Variants in SYT16 observed in about 807,000 individuals in gnomAD.
SYT16 encodes synaptotagmin 16.
Under a neutral mutation model 61.4 loss-of-function variants are expected in SYT16, and 42 were observed. The observed-to-expected ratio is 0.68, with a 90% CI of 0.53 to 0.89. The LOEUF is 0.89. SYT16 is among the 40% of genes least tolerant of loss of function. The pLI is 0.00. For missense variants in SYT16, 804 were observed against 807.3 expected (o/e 1.00, Z 0.05); for synonymous variants, 314 against 302.3 (o/e 1.04, Z -0.40).
intron 1 of SYT16, among the ~76,000 whole-genome samples, chr14:61,861,508 C>T (rs2046963027): frequency 6.6e-6 from 1 of 152,100 alleles, no homozygotes; most frequent in African/African-American, 2.4e-5. Flanking sequence ...CTCTTGGGCT[C>T]AGGCTCTTGC....
intron 1 of SYT16, among the ~76,000 whole-genome samples, chr14:61,960,077 C>T (rs764666183): frequency 2.1e-4 from 32 of 152,110 alleles, no homozygotes; most frequent in Non-Finnish European, 4.0e-4. Flanking sequence ...AGTGATCTGC[C>T]CACTTCAGCT....
chr14:61,941,740 C>A (rs542462847), intron 1 of SYT16, among the ~76,000 whole-genome samples: 2 of 152,324 alleles, frequency 1.3e-5, no homozygotes, highest in African/African-American at 2.4e-5. Flanking sequence ...AATGGACAAA[C>A]CCCATCGCTA....
chr14:61,866,899 T>G (rs2047173126), intron 1 of SYT16, among the ~76,000 whole-genome samples: 1 of 152,072 alleles, frequency 6.6e-6, no homozygotes, highest in Non-Finnish European at 1.5e-5. Flanking sequence ...GATGTTACAT[T>G]TAGATCTGTG....
intron 1 of SYT16, among the ~76,000 whole-genome samples, chr14:61,945,087 C>G (rs1029816309): frequency 6.6e-6 from 1 of 152,192 alleles, no homozygotes; most frequent in Non-Finnish European, 1.5e-5. Flanking sequence ...TATGAACAGA[C>G]ACTTCTTAAA....
At chr14:62,092,173 AACACAC>A (rs56324432) in intron 7 of SYT16, among the ~76,000 whole-genome samples, 16,429 of 131,024 alleles carry the variant, frequency 0.13, 984 homozygotes, top group Non-Finnish European at 0.15. Flanking sequence ...TGGCTACTAT[AACACAC>A]ACACACACAC....
intron 3 of SYT16, among the ~76,000 whole-genome samples, chr14:62,024,576 AT>A (rs2054031074): frequency 6.6e-6 from 1 of 152,030 alleles, no homozygotes; most frequent in Admixed American, 6.6e-5. Context: ...CCCCACTATC[AT>A]TCTTCTCCAC....
At chr14:61,974,661 A>C (rs1444084358) in intron 2 of SYT16, among the ~76,000 whole-genome samples, 1 of 152,156 alleles carries the variant, frequency 6.6e-6, no homozygotes, top group African/African-American at 2.4e-5. Flanking sequence ...GGAAATCCCA[A>C]AGACTGATAC....
At chr14:61,992,378 C>T (rs1258495977) in intron 2 of SYT16, among the ~76,000 whole-genome samples, 1 of 152,006 alleles carries the variant, frequency 6.6e-6, no homozygotes, top group Admixed American at 6.6e-5. Flanking sequence ...TCTCATGGCG[C>T]GGCAGCATTA....
At chr14:61,912,269 G>A (rs1270175555) in intron 1 of SYT16, among the ~76,000 whole-genome samples, 4 of 152,186 alleles carry the variant, frequency 2.6e-5, no homozygotes, top group East Asian at 1.9e-4. Flanking sequence ...GGGGGAACAC[G>A]TGGGCTTCTT....
rs868443295 is a variant in SYT16, at chr14:62,099,178, T to C, written c.1625-1216T>C. ...TGAAGACTTTGTTTGTGTTTATTAG[T>C]GAGAGTGACATGGCCAGATTTGTAT... On this transcript the variant is annotated intron_variant, in intron 7 of 7. Transcript: ENST00000683842. Among the ~76,000 whole-genome samples, 6 of 152,266 alleles carry C rather than the reference T, an allele frequency of 3.9e-5. No individual in the cohort carries two copies. In the Middle Eastern group the frequency reaches 0.017, roughly 432 times the overall value.
chr14:62,011,357 TC>T (rs1274468190), intron 3 of SYT16, among the ~76,000 whole-genome samples: 5 of 152,014 alleles, frequency 3.3e-5, no homozygotes, highest in African/African-American at 1.2e-4. Context: ...CAGGTTTATA[TC>T]CTCCTAGGTT....
Position 62,045,464 on chromosome 14 carries a change from T to G in SYT16, c.524-24139T>G, listed in dbSNP as rs540372030. On this transcript the variant is annotated intron_variant, in intron 3 of 7. Coordinates refer to ENST00000683842, the MANE Select transcript of SYT16 (RefSeq NM_001367656.1). ...TTTTTCTTTTTTAAAATTTTATTAT[T>G]ATTATACTTTAAGTTTTAGGGTACG... is the stretch of plus-strand genomic sequence containing the variant. Among the ~76,000 whole-genome samples the G allele has an allele frequency of 7.2e-5, 11 of 152,280 alleles. 1 individual carries two copies. In the South Asian group the frequency reaches 2.3e-3, roughly 32 times the overall value.
intron 1 of SYT16, among the ~76,000 whole-genome samples, chr14:61,965,347 G>A (rs947053562): frequency 6.6e-6 from 1 of 152,138 alleles, no homozygotes; most frequent in Admixed American, 6.6e-5. Context: ...CACTTCTTTA[G>A]ACTTCTCACT....
intron 3 of SYT16, among the ~76,000 whole-genome samples, chr14:62,045,356 A>T (rs928877735): frequency 2.0e-5 from 3 of 152,166 alleles, no homozygotes; most frequent in Non-Finnish European, 1.5e-5. Flanking sequence ...AAAGGTGTAT[A>T]AAAGCATCGG....
intron 1 of SYT16, among the ~76,000 whole-genome samples, chr14:61,844,552 A>G (rs1002681202): frequency 4.6e-5 from 7 of 152,120 alleles, no homozygotes; most frequent in East Asian, 1.9e-4. Context: ...ATGTTGAGGT[A>G]TGTTCCTCTA....
chr14:62,044,296 A>T (rs542160456), intron 3 of SYT16, among the ~76,000 whole-genome samples: 21 of 152,160 alleles, frequency 1.4e-4, no homozygotes, highest in African/African-American at 5.1e-4. Flanking sequence ...TTCTTCTTTT[A>T]ATTTTACTTT....
chr14:61,833,990 T>TTTTTTTTTTG (rs2046037779), intron 1 of SYT16, among the ~76,000 whole-genome samples: 1 of 148,492 alleles, frequency 6.7e-6, no homozygotes, highest in Non-Finnish European at 1.5e-5. Context: ...TTTTTTTTTT[T>TTTTTTTTTTG]AAATTTTGGA....
intron 2 of SYT16, among the ~76,000 whole-genome samples, chr14:61,985,857 A>T (rs2052284108): frequency 1.3e-5 from 2 of 152,118 alleles, no homozygotes; most frequent in Admixed American, 1.3e-4. Context: ...AATTTGTGAT[A>T]TGTCTATATC....
chr14:62,068,780 AAT>A (rs1425714856), intron 3 of SYT16, among the ~76,000 whole-genome samples: 1 of 151,918 alleles, frequency 6.6e-6, no homozygotes, highest in East Asian at 1.9e-4. Context: ...ACACACACAC[AAT>A]GAGTCTCTTT....
Sources: allele counts gnomAD v4.1 joint callset (sites outside exome capture counted in the v4.1 genomes callset), GRCh38; gene constraint gnomAD v4.1.1; transcripts MANE v1.5; gene names NCBI Gene and HGNC (gene_info 2026-07-23, HGNC 2026-07-21).